PUM1: variants seen among roughly 807,000 people sequenced by gnomAD.
The protein encoded by PUM1 is pumilio homolog 1.
PUM1 carries 13 observed loss-of-function variants against 131.8 expected under a neutral mutation model. The ratio of observed to expected loss-of-function variants is 0.10; its 90% CI spans 0.06 to 0.16. The LOEUF (loss-of-function observed/expected upper bound fraction) is 0.16. Ranked by LOEUF, PUM1 falls within the 10% of genes least tolerant of loss-of-function variation. PUM1 has a pLI of 1.00. For synonymous variants in PUM1, 509 were observed against 556.5 expected, an observed-to-expected ratio of 0.91 and a Z score of 1.20; for missense variants, 961 against 1,512.4, an observed-to-expected ratio of 0.64 and a Z score of 6.05.
At chr1:31,044,386 C>T (rs1396002646) in intron 2 of PUM1, among the ~76,000 whole-genome samples, 1 of 152,022 alleles carries the variant, frequency 6.6e-6, no homozygotes, top group East Asian at 1.9e-4. Flanking sequence ...TGGGCGACAG[C>T]GAGACTCCAT....
intron 9 of PUM1, among the ~76,000 whole-genome samples, chr1:30,976,762 GAAGAA>G (rs535602711): frequency 7.9e-4 from 119 of 151,106 alleles, no homozygotes; most frequent in African/African-American, 2.8e-3. Context: ...TTTACTATAA[GAAGAA>G]AAGGGGTTAA....
At chr1:30,994,973 G>A (rs1395406488) in intron 6 of PUM1, 81 bp downstream of exon 6, 29 of 1,475,114 alleles carry the variant, frequency 2.0e-5, no homozygotes, top group Middle Eastern at 1.8e-4. Flanking sequence ...GGAAGAAAAC[G>A]AAAATCAAAG....
rs372922635 is a variant in PUM1 at position 30,964,328 on chromosome 1, G to A, written c.2323+346C>T. The stretch of plus-strand genomic sequence containing the variant: ...TAATTGTGGTGGTATTTCAGGTGGT[G>A]ATACTAGGTGATTAAATTCTGTCTC... On this transcript the variant is annotated intron_variant, in intron 14 of 21. Coordinates refer to ENST00000426105, the MANE Select transcript of PUM1 (RefSeq NM_001020658.2). Among the ~76,000 whole-genome samples the A allele has an allele frequency of 1.2e-4, 18 of 152,274 alleles. 1 individual carries two copies. The highest frequency in any genetic ancestry group is 4.3e-4 in the African/African-American group (18 of 41,544).
intron 7 of PUM1, among the ~76,000 whole-genome samples, chr1:30,990,040 T>C (rs1641727000): frequency 6.6e-6 from 1 of 152,222 alleles, no homozygotes; most frequent in East Asian, 1.9e-4. Context: ...GTTATTTGTA[T>C]ATAAGTGGTA....
At position 31,059,519 on chromosome 1, in the gene PUM1, G is replaced by C. The variant is rs201656715; in HGVS notation, c.48C>G (p.Asp16Glu). 6.2e-7 allele frequency: 1 copy of C among 1,614,104 alleles called. No individual in the cohort carries two copies. Among genetic ancestry groups the C allele is most frequent in the Non-Finnish European group, 8.5e-7 (1 of 1,179,982 alleles). Residue 16 changes from aspartate (D) to glutamate (E), a missense_variant, in exon 2 of 22, where the codon GAC becomes GAG. Physicochemically the swap from Asp to Glu is conservative, Grantham distance 45. Transcript: ENST00000426105. ...VLKRKAVLWQDSFSPHLKHHP... is the reference protein window; with the variant it reads ...VLKRKAVLWQESFSPHLKHHP... Reference sequence around the variant, plus strand: ...GATGTTTCAGGTGGGGGCTGAAAGAGTCCTGCCAAAGCACTGCTTTTCTCT... The same window carrying C: ...GATGTTTCAGGTGGGGGCTGAAAGACTCCTGCCAAAGCACTGCTTTTCTCT...
chr1:30,962,466 G>A lies in PUM1; in HGVS notation c.2323+2208C>T, dbSNP rs538904317. On this transcript the variant is annotated intron_variant, in intron 14 of 21. Transcript: ENST00000426105. ...CTTACTCTGTTGCTCAGGCTGGAGCGCAGTGGCACGATCTCAGCTCACTGC... is the reference window on the plus strand; with the variant it reads ...CTTACTCTGTTGCTCAGGCTGGAGCACAGTGGCACGATCTCAGCTCACTGC... Among the ~76,000 whole-genome samples the A allele has an allele frequency of 1.3e-4, 20 of 152,216 alleles. No homozygotes were observed. In the East Asian group the frequency reaches 3.7e-3, roughly 28 times the overall value.
rs539189679 is a variant in PUM1 at position 30,949,090 on chromosome 1, C to T, written c.2856+1037G>A. 2.7e-4 allele frequency: 108 copies of T among 406,330 alleles called. 4 individuals are homozygous for T. Among genetic ancestry groups the T allele is most frequent in the South Asian group, 1.9e-3 (103 of 54,886 alleles). 25.2% of individuals were successfully genotyped at this position (406,330 alleles called of 1,614,324 possible). A position where few individuals can be genotyped will look rare whatever the true frequency, so the allele number is the denominator to read the frequency against. ...AGTGCAGTGGTTTGGATTGGTTTAG[C>T]TTGACTCAGGGGTGGTGGGTGTCTT... is the stretch of plus-strand genomic sequence containing the variant. On this transcript the variant is annotated intron_variant, in intron 17 of 21. Transcript: ENST00000426105.
intron 19 of PUM1, 28 bp downstream of exon 19, chr1:30,941,970 G>T: frequency 6.5e-7 from 1 of 1,528,426 alleles, no homozygotes; most frequent in Non-Finnish European, 8.9e-7. Context: ...ACAGGTGTTC[G>T]CAGTTCCTCT....
chr1:31,048,330 A>G (rs182885589), intron 2 of PUM1, among the ~76,000 whole-genome samples: 36 of 151,962 alleles, frequency 2.4e-4, no homozygotes, highest in African/African-American at 8.2e-4. Flanking sequence ...AACCACATCT[A>G]TAACTGAAAT....
chr1:31,034,376 C>G (rs1198959561), intron 2 of PUM1, among the ~76,000 whole-genome samples: 1 of 152,176 alleles, frequency 6.6e-6, no homozygotes, highest in Non-Finnish European at 1.5e-5. Context: ...TACAGGCTCA[C>G]ACCTGCAATC....
intron 18 of PUM1, among the ~76,000 whole-genome samples, chr1:30,943,484 T>A (rs1362720157): frequency 2.6e-5 from 4 of 152,144 alleles, no homozygotes; most frequent in African/African-American, 9.7e-5. Flanking sequence ...ACTCCTGACC[T>A]CAGGTGATCC....
chr1:30,984,916 C>T (rs71644195), intron 7 of PUM1, among the ~76,000 whole-genome samples: 1 of 152,002 alleles, frequency 6.6e-6, no homozygotes, highest in East Asian at 1.9e-4. Context: ...AAGACTACCG[C>T]CCCCACTCCC....
At chr1:30,944,719 C>G (rs1032074826) in intron 18 of PUM1, among the ~76,000 whole-genome samples, 1 of 152,144 alleles carries the variant, frequency 6.6e-6, no homozygotes. Flanking sequence ...AAATTTAAAA[C>G]GAAAGCACTG....
chr1:30,939,823 A>C (rs1379729389), intron 20 of PUM1, among the ~76,000 whole-genome samples: 1 of 152,074 alleles, frequency 6.6e-6, no homozygotes, highest in Non-Finnish European at 1.5e-5. Flanking sequence ...GCACCACTGC[A>C]CTCCAGCCAG....
In PUM1 at chr1:31,053,955, G is replaced by A. The variant is rs952828106; in HGVS notation, c.363+5249C>T. ...ACTAAAAATACAAAATTAGCCGGGC[G>A]TGGTGGTGCACACTTGTAGTCCCAG... On this transcript the variant is annotated intron_variant, in intron 2 of 21. Coordinates refer to ENST00000426105, the MANE Select transcript of PUM1 (RefSeq NM_001020658.2). Among the ~76,000 whole-genome samples the A allele has an allele frequency of 5.3e-5, 8 of 151,990 alleles. No individual in the cohort carries two copies. In the South Asian group the frequency reaches 6.2e-4, roughly 12 times the overall value.
chr1:31,028,932 AC>A (rs1557593682), intron 2 of PUM1, 68 bp from the exon 3 acceptor site: 1 of 1,214,582 alleles, frequency 8.2e-7, no homozygotes, highest in East Asian at 2.3e-5. Flanking sequence ...CACATTACAC[AC>A]AATTGAAAAT....
At chr1:31,001,214 A>G (rs974869049) in intron 5 of PUM1, among the ~76,000 whole-genome samples, 4 of 151,944 alleles carry the variant, frequency 2.6e-5, no homozygotes, top group Admixed American at 1.3e-4. Context: ...TAAATAAATA[A>G]ATTAGCTGGG....
chr1:30,958,014 G>C (rs772522773), intron 14 of PUM1, among the ~76,000 whole-genome samples: 1 of 152,180 alleles, frequency 6.6e-6, no homozygotes, highest in Non-Finnish European at 1.5e-5. Context: ...CTCCTTCAAA[G>C]AACCAAGTGA....
intron 3 of PUM1, among the ~76,000 whole-genome samples, chr1:31,016,602 T>G (rs7517413): frequency 6.6e-6 from 1 of 152,200 alleles, no homozygotes; most frequent in Non-Finnish European, 1.5e-5. Flanking sequence ...TGTGTTCTCA[T>G]TAATTTAATT....
Sources: allele counts gnomAD v4.1 joint callset (sites outside exome capture counted in the v4.1 genomes callset), GRCh38; gene constraint gnomAD v4.1.1; transcripts MANE v1.5; gene names NCBI Gene and HGNC (gene_info 2026-07-23, HGNC 2026-07-21).